The following GPR19 variants were observed in gnomAD, a reference collection of about 807,000 sequenced individuals.
GPR19 encodes G protein-coupled receptor 19.
GPR19 carries 14 observed loss-of-function variants against 28.5 expected under a neutral mutation model. The observed-to-expected ratio is 0.49, with a 90% CI of 0.32 to 0.77. The LOEUF is 0.77. Among genes scored for constraint, GPR19 ranks in the 30% least tolerant of loss-of-function variants. The pLI is 0.03. For synonymous variants in GPR19, 173 were observed against 184.1 expected (o/e 0.94, Z 0.49); for missense variants, 409 against 504.1 (o/e 0.81, Z 1.81).
At chr12:12,674,287 A>AAAG (rs1211167133) in intron 3 of GPR19, among the ~76,000 whole-genome samples, 2 of 151,012 alleles carry the variant, frequency 1.3e-5, no homozygotes, top group African/African-American at 2.4e-5. Flanking sequence ...AAAAAAAAAA[A>AAAG]AAAAGTAAAA....
At chr12:12,699,618 T>TA (rs1565414332), upstream of GPR19, among the ~76,000 whole-genome samples, 3 of 152,082 alleles carry the variant, frequency 2.0e-5, no homozygotes, top group Non-Finnish European at 4.4e-5. Flanking sequence ...ATCCCATCAC[T>TA]AAAACAGTGT....
chr12:12,661,666 C>T lies in GPR19; in HGVS notation c.783G>A (p.Arg261=), dbSNP rs1945676139. The T allele has an allele frequency of 6.2e-7, 1 of 1,613,474 alleles. No individual in the cohort carries two copies. Among genetic ancestry groups the T allele is most frequent in the Non-Finnish European group, 8.5e-7 (1 of 1,179,410 alleles). The part of the protein sequence containing the change: ...WRIGTDGRTV[R]RTMNIVPRTK... ...TCCGAGGGACAATGTTCATTGTCCT[C>T]CTCACCGTTCGGCCATCTGTGCCTA... The change falls in exon 4 of 4, where the codon AGG becomes AGA. Residue 261 remains arginine, a synonymous_variant. Transcript: ENST00000651487. The surrounding 1 kb of genome is among the most constrained non-coding windows in gnomAD (Gnocchi z 4.2).
upstream of GPR19, among the ~76,000 whole-genome samples, chr12:12,696,449 C>G (rs1464981579): frequency 6.8e-6 from 1 of 146,972 alleles, no homozygotes; most frequent in Non-Finnish European, 1.5e-5. Flanking sequence ...GCTAATATAA[C>G]TAGCCGACAG....
At position 12,661,400 on chromosome 12, in the gene GPR19, A is replaced by G. The variant is rs775184646; in HGVS notation, c.1049T>C (p.Met350Thr). The G allele has an allele frequency of 1.9e-6, 3 of 1,613,376 alleles. No individual in the cohort carries two copies. Among genetic ancestry groups the G allele is most frequent in the South Asian group, 1.1e-5 (1 of 91,068 alleles). The change falls in exon 4 of 4, where the codon ATG becomes ACG. Residue 350 changes from methionine to threonine, a missense_variant. Coordinates refer to ENST00000651487, the MANE Select transcript of GPR19 (RefSeq NM_006143.3). This position sits in a 1 kb window ranked among gnomAD's most constrained non-coding sequence, Gnocchi z 4.2. ...GMKETFCMSS[M>T]KCYRSNAYTI... ...ATAGGCATTGCTTCGGTAACATTTC[A>G]TAGAGGACATGCAAAAAGTCTCTTT...
At chr12:12,701,453 T>C in the GPR19 span, among the ~76,000 whole-genome samples, 11 of 152,216 alleles carry the variant, frequency 7.2e-5, no homozygotes, top group African/African-American at 1.9e-4. Flanking sequence ...TTGTGGGAGA[T>C]AGGACTGCCA....
At chr12:12,672,893 C>T (rs1945875048) in intron 3 of GPR19, among the ~76,000 whole-genome samples, 1 of 152,176 alleles carries the variant, frequency 6.6e-6, no homozygotes, top group African/African-American at 2.4e-5. Flanking sequence ...GGGACACAGA[C>T]ATTATAATAA....
the GPR19 span, chr12:12,716,666 G>T: frequency 3.2e-6 from 2 of 621,248 alleles, no homozygotes; most frequent in Non-Finnish European, 4.0e-6. Flanking sequence ...GGGAGAGCTT[G>T]AGTTCATGAT....
In GPR19 at chr12:12,673,630, C is replaced by T. The variant is rs77979812; in HGVS notation, c.-23+10721G>A. Among the ~76,000 whole-genome samples the T allele has an allele frequency of 1.6e-3, 244 of 152,244 alleles. 4 individuals carry two copies. The highest frequency in any genetic ancestry group is 0.011 in the East Asian group (59 of 5,190). On this transcript the variant is annotated intron_variant, in intron 3 of 3. Coordinates refer to ENST00000651487, the MANE Select transcript of GPR19 (RefSeq NM_006143.3). ...GCTGAAACCCCAACGACAGGAAGTC[C>T]GCCATAACATTCAGGCAGAAGAAAT...
the GPR19 span, among the ~76,000 whole-genome samples, chr12:12,714,394 C>T: frequency 6.6e-6 from 1 of 152,160 alleles, no homozygotes; most frequent in African/African-American, 2.4e-5. Context: ...TGGGAGCTGG[C>T]GACGCTGGCG....
At chr12:12,687,946 A>G (rs1946118961) in intron 2 of GPR19, among the ~76,000 whole-genome samples, 1 of 152,236 alleles carries the variant, frequency 6.6e-6, no homozygotes, top group Non-Finnish European at 1.5e-5. Context: ...AGACAGAGCT[A>G]GACTCCGTCT....
At chr12:12,709,737 C>T in the GPR19 span, among the ~76,000 whole-genome samples, 1 of 152,248 alleles carries the variant, frequency 6.6e-6, no homozygotes, top group South Asian at 2.1e-4. Flanking sequence ...CCGTACCCCA[C>T]TGAAGACAGT....
At chr12:12,716,780 A>G in the GPR19 span, 1 of 985,310 alleles carries the variant, frequency 1.0e-6, no homozygotes, top group African/African-American at 1.7e-5. Flanking sequence ...CTTCTGGGTT[A>G]AGGCTGAGCG....
the GPR19 span, among the ~76,000 whole-genome samples, chr12:12,710,455 G>A: frequency 2.2e-4 from 34 of 151,992 alleles, 1 homozygote; most frequent in East Asian, 5.4e-3. Context: ...TGGCACATTT[G>A]TAAATATGGA....
At chr12:12,705,042 T>C in the GPR19 span, among the ~76,000 whole-genome samples, 1 of 152,050 alleles carries the variant, frequency 6.6e-6, no homozygotes, top group Non-Finnish European at 1.5e-5. Context: ...GAGCAGATTA[T>C]CGAGGTTTGG....
the GPR19 span, among the ~76,000 whole-genome samples, chr12:12,706,266 C>G: frequency 1.6e-4 from 25 of 152,304 alleles, no homozygotes; most frequent in Middle Eastern, 3.4e-3. Context: ...TTTGATCATG[C>G]TTTCCTCCTT....
At chr12:12,716,288 CCTT>C in the GPR19 span, among the ~76,000 whole-genome samples, 16 of 152,270 alleles carry the variant, frequency 1.1e-4, no homozygotes, top group Admixed American at 3.3e-4. Flanking sequence ...GTATTTTCAC[CCTT>C]CAGCCCTCTG....
intron 2 of GPR19, chr12:12,688,512 C>G (rs1946127003): frequency 6.6e-6 from 1 of 152,188 alleles, no homozygotes; most frequent in African/African-American, 2.4e-5. Flanking sequence ...CAGTGAGTTA[C>G]CTCCATGTTG....
At chr12:12,671,522 C>G (rs1945855359) in intron 3 of GPR19, among the ~76,000 whole-genome samples, 1 of 152,086 alleles carries the variant, frequency 6.6e-6, no homozygotes, top group Non-Finnish European at 1.5e-5. Context: ...CAAACTGTTT[C>G]CTAACTGGCA....
the GPR19 span, among the ~76,000 whole-genome samples, chr12:12,706,397 AG>A: frequency 6.6e-6 from 1 of 152,170 alleles, no homozygotes; most frequent in Non-Finnish European, 1.5e-5. Flanking sequence ...TAAAAGTTGT[AG>A]TACCCTAAGG....
Sources: allele counts gnomAD v4.1 joint callset (sites outside exome capture counted in the v4.1 genomes callset), GRCh38; gene constraint gnomAD v4.1.1; non-coding constraint Gnocchi (gnomAD v3.1); transcripts MANE v1.5; gene names NCBI Gene and HGNC (gene_info 2026-07-23, HGNC 2026-07-21).